LCN12: variants seen among roughly 807,000 people sequenced by gnomAD.
LCN12 encodes epididymal-specific lipocalin-12.
In LCN12, 15 loss-of-function variants were observed where a neutral mutation model predicts 23.7. The ratio of observed to expected loss-of-function variants is 0.63; its 90% confidence interval spans 0.42 to 0.97. The LOEUF (loss-of-function observed/expected upper bound fraction) is 0.97, where lower values mean the gene tolerates loss of function less well. LCN12 is among the 50% of genes least tolerant of loss of function. The probability of loss-of-function intolerance (pLI) is 0.00; values close to 1 mark genes in which losing one functional copy is unlikely to be tolerated. For synonymous variants in LCN12, 116 were observed against 111.5 expected (o/e 1.04, Z -0.25); for missense variants, 219 against 249.6 (o/e 0.88, Z 0.83).
chr9:136,953,706 G>A lies in LCN12; in HGVS notation c.258G>A (p.Gln86=). 2.5e-6 allele frequency: 4 copies of A among 1,592,094 alleles called. No homozygotes were observed. The South Asian group carries it at 3.4e-5, about 14-fold the overall frequency. ...FEVWNAMTRG[Q]HCDTWSYVLI... The stretch of plus-strand genomic sequence containing the variant: ...CACCTGTCCCCTCCTACAGAGGCCA[G>A]CACTGTGACACATGGTCTTATGTGC... The change falls in exon 3 of 6, where the codon CAG becomes CAA. Residue 86 remains glutamine, a synonymous_variant. Coordinates refer to ENST00000371633, the MANE Select transcript of LCN12 (RefSeq NM_178536.4).
chr9:136,952,934 T>G lies in LCN12; in HGVS notation c.157T>G (p.Phe53Val). The G allele has an allele frequency of 1.2e-6, 2 of 1,611,426 alleles. No homozygotes were observed. The highest frequency in any genetic ancestry group is 1.3e-5 in the African/African-American group (1 of 74,878). Residue 53 changes from phenylalanine (F) to valine (V), a missense_variant, in exon 2 of 6, where the codon TTC becomes GTC. By Grantham distance (50) the Phe-to-Val change is conservative. Transcript: ENST00000371633. Reference protein sequence around the residue: ...WFVLGLAGNSFRPEHRALLNA... With the variant: ...WFVLGLAGNSVRPEHRALLNA... ...CGTCCTGGGCCTGGCGGGCAACAGC[T>G]TCAGGCCGGAGCACAGGGCGCTGCT... is the stretch of plus-strand genomic sequence containing the variant.
In LCN12 at chr9:136,955,448, A is replaced by T. The variant is rs370201935; in HGVS notation, c.*49A>T. On this transcript the variant is annotated 3_prime_UTR_variant, in exon 6 of 6. Coordinates refer to ENST00000371633, the MANE Select transcript of LCN12 (RefSeq NM_178536.4). ...CCCAGCCCTGCCTCACAGCTGTGCG[A>T]GCTCTGCCCTCCTCAGCTCTCAAAC... The T allele has an allele frequency of 6.4e-7, 1 of 1,562,328 alleles. No individual in the cohort carries two copies. The highest frequency in any genetic ancestry group is 1.4e-5 in the African/African-American group (1 of 73,788).
chr9:136,952,674 A>G (rs1022084538), intron 1 of LCN12: 21 of 635,630 alleles, frequency 3.3e-5, no homozygotes, highest in Middle Eastern at 4.2e-4. Context: ...GAGGGGAAAC[A>G]GGCTCGGGAA....
chr9:136,955,521 C>T, downstream of LCN12: 5 of 1,107,970 alleles, frequency 4.5e-6, no homozygotes, highest in Non-Finnish European at 6.5e-6. Flanking sequence ...ACCACTATGA[C>T]CTTGGGTTGG....
chr9:136,951,562 CCTTT>C (rs1432846837), upstream of LCN12, among the ~76,000 whole-genome samples: 1 of 152,252 alleles, frequency 6.6e-6, no homozygotes, highest in Non-Finnish European at 1.5e-5. Flanking sequence ...GCCTACTAAT[CCTTT>C]CTTTTAGGCA....
At position 136,954,929 on chromosome 9, in the gene LCN12, C is replaced by T. The variant is rs529967317; in HGVS notation, c.551-442C>T. 163 of 1,239,412 alleles carry T rather than the reference C, an allele frequency of 1.3e-4. 2 individuals are homozygous for T. The highest frequency in any genetic ancestry group is 2.4e-4 in the East Asian group (5 of 20,480). The allele number at this position is 1,239,412 out of a possible 1,614,324, so 76.8% of individuals were successfully genotyped here. ...GCATAACCACATGCACACACACTCA[C>T]GCATGAGCAAACGTGTACAGACTGG... is the stretch of plus-strand genomic sequence containing the variant. On this transcript the variant is annotated intron_variant, in intron 5 of 5. Transcript: ENST00000371633.
chr9:136,953,822 G>A, intron 3 of LCN12, 26 bp from the exon 4 acceptor site: 3 of 1,597,270 alleles, frequency 1.9e-6, no homozygotes, highest in Non-Finnish European at 2.6e-6. Flanking sequence ...CTGGCCCACA[G>A]GGATGTGACG....
chr9:136,954,195 A>T lies in LCN12; in HGVS notation c.490A>T (p.Ile164Phe), dbSNP rs772500985. ...GCCTCCCGGGACGCTGGACCAGTTCATCTGCCTGGGCAGAGCTCAGGGCCT... is the reference window on the plus strand; with the variant it reads ...GCCTCCCGGGACGCTGGACCAGTTCTTCTGCCTGGGCAGAGCTCAGGGCCT... ...LLPPGTLDQF[I>F]CLGRAQGLSD... Residue 164 changes from isoleucine to phenylalanine, a missense_variant, in exon 5 of 6, where the codon ATC becomes TTC. By Grantham distance (21) the Ile-to-Phe change is conservative (BLOSUM62 0). Coordinates refer to ENST00000371633, the MANE Select transcript of LCN12 (RefSeq NM_178536.4). The T allele has an allele frequency of 3.5e-5, 55 of 1,575,748 alleles. No individual in the cohort carries two copies. The highest frequency in any genetic ancestry group is 4.7e-5 in the East Asian group (2 of 42,794).
intron 5 of LCN12, chr9:136,955,078 T>A (rs1851292076): frequency 7.1e-7 from 1 of 1,406,042 alleles, no homozygotes; most frequent in Admixed American, 3.1e-5. Flanking sequence ...GCACACTCGC[T>A]ATGCCAGGCC....
chr9:136,956,450 C>A (rs1564450169), downstream of LCN12, among the ~76,000 whole-genome samples: 1 of 152,302 alleles, frequency 6.6e-6, no homozygotes, highest in East Asian at 1.9e-4. Context: ...GACTGGAATT[C>A]CTCCCTGCCC....
At chr9:136,951,975 G>A (rs1164505370), upstream of LCN12, among the ~76,000 whole-genome samples, 1 of 152,218 alleles carries the variant, frequency 6.6e-6, no homozygotes, top group Non-Finnish European at 1.5e-5. Context: ...GAGGAAGGCT[G>A]GGGCAGGCTG....
At chr9:136,952,648 C>T (rs112495986) in intron 1 of LCN12, 104 of 628,160 alleles carry the variant, frequency 1.7e-4, no homozygotes, top group Non-Finnish European at 2.6e-4. Context: ...CCCAGCCCAT[C>T]GCTCCCTCTG....
At position 136,952,411 on chromosome 9, in the gene LCN12, G is replaced by A. The variant is rs759028522; in HGVS notation, c.84G>A (p.Pro28=). The change falls in exon 1 of 6, where the codon CCG becomes CCA. Residue 28 remains proline (P), a synonymous_variant. Transcript: ENST00000371633. ...AGACCCCAACCCCCCTGCCACTCCC[G>A]CCCCCGATGCAGAGCTTCCAAGGAA... ...QAQTPTPLPL[P]PPMQSFQGNQ... 39 of 1,608,708 alleles carry A rather than the reference G, an allele frequency of 2.4e-5. No individual in the cohort carries two copies. In the Middle Eastern group the frequency reaches 4.9e-4, roughly 20 times the overall value.
In LCN12 at chr9:136,952,861, C is replaced by G. The variant is rs912330593; in HGVS notation, c.115-31C>G. ...CCCTGCCCACTGCCACCCCTGCCCA[C>G]CGCCGCCCCTGCCCACCACCGCCTC... On this transcript the variant is annotated intron_variant, in intron 1 of 5. Transcript: ENST00000371633. 1.9e-6 allele frequency: 3 copies of G among 1,588,486 alleles called. No individual in the cohort carries two copies. In the African/African-American group the frequency reaches 4.0e-5, roughly 21 times the overall value.
chr9:136,953,311 C>T lies in LCN12; in HGVS notation c.251+283C>T, dbSNP rs569739082. On this transcript the variant is annotated intron_variant, in intron 2 of 5. Coordinates refer to ENST00000371633, the MANE Select transcript of LCN12 (RefSeq NM_178536.4). ...GGGCGCGCTGGCTCACACCTGTAAT[C>T]CCAGGACTTCAGGGGCCGGGCGCGC... 258 of 525,516 alleles carry T rather than the reference C, an allele frequency of 4.9e-4. 1 individual carries two copies. Among genetic ancestry groups the T allele is most frequent in the Admixed American group, 1.8e-3 (54 of 29,766 alleles). The allele number at this position is 525,516 out of a possible 1,614,324, so 32.6% of individuals were successfully genotyped here.
At chr9:136,956,179 C>A (rs180805079), downstream of LCN12, among the ~76,000 whole-genome samples, 226 of 152,270 alleles carry the variant, frequency 1.5e-3, no homozygotes, top group African/African-American at 5.1e-3. Flanking sequence ...CATCTCAGCC[C>A]CCACTGTCCT....
At chr9:136,950,206 G>T (rs1042195482), upstream of LCN12, among the ~76,000 whole-genome samples, 1 of 152,210 alleles carries the variant, frequency 6.6e-6, no homozygotes, top group Non-Finnish European at 1.5e-5. Context: ...CCCCGCGGTG[G>T]GGGGAGGAGG....
chr9:136,953,014 G>T lies in LCN12; in HGVS notation c.237G>T (p.Trp79Cys), dbSNP rs1341156319. The change falls in exon 2 of 6, where the codon TGG (tryptophan) becomes TGT (cysteine). Residue 79 changes from tryptophan (W) to cysteine (C), a missense_variant. Coordinates refer to ENST00000371633, the MANE Select transcript of LCN12 (RefSeq NM_178536.4). ...ELSDDGRFEV[W>C]NAMTRGQHCD... is the part of the protein sequence containing the mutation. ...GTGATGATGGCCGCTTTGAGGTGTGGAATGCGATGACTCGGTGAGTGGCTG... is the reference window on the plus strand; with the variant it reads ...GTGATGATGGCCGCTTTGAGGTGTGTAATGCGATGACTCGGTGAGTGGCTG... 1.9e-6 allele frequency: 3 copies of T among 1,614,002 alleles called. No homozygotes were observed. Among genetic ancestry groups the T allele is most frequent in the Non-Finnish European group, 2.5e-6 (3 of 1,179,974 alleles).
downstream of LCN12, among the ~76,000 whole-genome samples, chr9:136,955,804 C>T (rs883108): frequency 3.3e-5 from 5 of 152,222 alleles, no homozygotes; most frequent in East Asian, 9.6e-4. Flanking sequence ...GGTCAGCACT[C>T]GGGGCTGCCA....
Sources: gnomAD v4.1 joint callset for allele counts (sites outside exome capture counted in the v4.1 genomes callset) on GRCh38, gnomAD v4.1.1 for gene constraint, MANE v1.5 for transcripts, NCBI Gene and HGNC (gene_info 2026-07-23, HGNC 2026-07-21) for gene names.